Variants in ARHGAP30 observed in about 807,000 individuals in gnomAD.
ARHGAP30 encodes the protein rho GTPase-activating protein 30.
A neutral mutation model predicts 72.0 loss-of-function variants in ARHGAP30; 23 were observed. That is an observed-to-expected ratio of 0.32 (90% CI 0.23 to 0.45). ARHGAP30 has a LOEUF of 0.45. Among genes scored for constraint, ARHGAP30 ranks in the 20% least tolerant of loss-of-function variants. The pLI is 1.00. For synonymous variants in ARHGAP30, 576 were observed against 528.2 expected, an observed-to-expected ratio of 1.09 and a Z score of -1.24; for missense variants, 1,319 against 1,383.4, an observed-to-expected ratio of 0.95 and a Z score of 0.74.
intron 2 of ARHGAP30, 72 bp from the exon 3 acceptor site, chr1:161,056,604 A>C: frequency 6.5e-7 from 1 of 1,531,366 alleles, no homozygotes. Flanking sequence ...CCCTATAGAG[A>C]TGGGTCCCGG....
chr1:161,056,997 C>G (rs1651925376), intron 2 of ARHGAP30, among the ~76,000 whole-genome samples: 2 of 152,080 alleles, frequency 1.3e-5, no homozygotes, highest in African/African-American at 4.8e-5. Context: ...CATTGAACAT[C>G]AAAATTAAAA....
At chr1:161,062,455 G>A (rs1016401255) in intron 1 of ARHGAP30, among the ~76,000 whole-genome samples, 7 of 152,042 alleles carry the variant, frequency 4.6e-5, no homozygotes, top group African/African-American at 1.7e-4. Context: ...TAGGCCAGGT[G>A]CGGTGGCTCA....
At chr1:161,062,406 C>T (rs908239965) in intron 1 of ARHGAP30, among the ~76,000 whole-genome samples, 22 of 152,064 alleles carry the variant, frequency 1.4e-4, no homozygotes. Context: ...CCCTCTGACT[C>T]TGCCTGGTGA....
chr1:161,051,127 T>G (rs1651325786), intron 10 of ARHGAP30, among the ~76,000 whole-genome samples, 187 bp downstream of exon 10: 1 of 152,238 alleles, frequency 6.6e-6, no homozygotes, highest in East Asian at 1.9e-4. Flanking sequence ...TCTCCATAGA[T>G]TTCACATAGC....
Position 161,048,259 on chromosome 1 carries a change from C to G in ARHGAP30, c.2762G>C (p.Gly921Ala), listed in dbSNP as rs749442300. ...CPCSLGLGGV[G>A]MRLASTLVQV... ...AACCAGAGTGGAAGCTAGACGCATG[C>G]CCACGCCACCCAGGCCAAGAGAACA... is the stretch of plus-strand genomic sequence containing the variant. Residue 921 changes from glycine to alanine, a missense_variant, in exon 12 of 12, where the codon GGC becomes GCC. This residue lies in a region of ARHGAP30 where 1,097 missense variants were observed against 1,045.2 expected (regional missense o/e 1.05). Transcript: ENST00000368013. 6.2e-7 allele frequency: 1 copy of G among 1,614,188 alleles called. No individual in the cohort carries two copies. The highest frequency in any genetic ancestry group is 8.5e-7 in the Non-Finnish European group (1 of 1,180,032).
intron 10 of ARHGAP30, 96 bp downstream of exon 10, chr1:161,051,218 G>C: frequency 6.7e-7 from 1 of 1,490,600 alleles, no homozygotes; most frequent in East Asian, 2.3e-5. Flanking sequence ...AAGGGCTGAG[G>C]CCTCTGCCCT....
chr1:161,052,026 A>ACATAC (rs1651428371), intron 9 of ARHGAP30, among the ~76,000 whole-genome samples: 1 of 76,180 alleles, frequency 1.3e-5, no homozygotes, highest in Non-Finnish European at 2.5e-5. Context: ...CACCACCACC[A>ACATAC]CCACCACCAC....
intron 2 of ARHGAP30, among the ~76,000 whole-genome samples, chr1:161,056,803 A>G (rs1275504003): frequency 6.6e-6 from 1 of 152,230 alleles, no homozygotes; most frequent in Non-Finnish European, 1.5e-5. Context: ...AGATATGTGT[A>G]GCAGTACAAG....
intron 1 of ARHGAP30, among the ~76,000 whole-genome samples, chr1:161,068,009 C>T (rs1434302888): frequency 3.3e-5 from 5 of 152,136 alleles, no homozygotes; most frequent in Non-Finnish European, 7.4e-5. Flanking sequence ...ATCTGTCTGT[C>T]CCCTCTAGAG....
chr1:161,056,567 G>A, intron 2 of ARHGAP30, 35 bp from the exon 3 acceptor site: 2 of 1,598,684 alleles, frequency 1.3e-6, no homozygotes, highest in Middle Eastern at 1.7e-4. Context: ...AGTGGTAGGG[G>A]TTGGGGTGAT....
chr1:161,059,882 C>T (rs1205364990), intron 1 of ARHGAP30, among the ~76,000 whole-genome samples, 166 bp from the exon 2 acceptor site: 1 of 152,158 alleles, frequency 6.6e-6, no homozygotes. Flanking sequence ...ACCTGCCAAC[C>T]CCTCTACAGT....
chr1:161,063,638 A>G (rs1219441406), intron 1 of ARHGAP30, among the ~76,000 whole-genome samples: 3 of 152,274 alleles, frequency 2.0e-5, no homozygotes, highest in African/African-American at 7.2e-5. Flanking sequence ...TTGTTCAGGG[A>G]ATAAGAGAGA....
In ARHGAP30 at chr1:161,047,690, CCTTTGCCCAGGG is replaced by C; in HGVS notation, c.*13_*24del. The C allele has an allele frequency of 6.7e-7, 1 of 1,500,824 alleles. No individual in the cohort carries two copies. The highest frequency in any genetic ancestry group is 8.9e-7 in the Non-Finnish European group (1 of 1,125,336). 93.0% of individuals were successfully genotyped at this position (1,500,824 alleles called of 1,614,324 possible). ...GAGATTCAAGACAACTTGCTGGTCCCCTTTGCCCAGGGCTGTGGTCCTAATCACAGTCCTTCA... is the reference window on the plus strand; with the variant it reads ...GAGATTCAAGACAACTTGCTGGTCCCCTGTGGTCCTAATCACAGTCCTTCA... On this transcript the variant is annotated 3_prime_UTR_variant, in exon 12 of 12. Transcript: ENST00000368013.
intron 10 of ARHGAP30, among the ~76,000 whole-genome samples, 192 bp from the exon 11 acceptor site, chr1:161,049,881 A>C (rs978295975): frequency 1.3e-5 from 2 of 152,216 alleles, no homozygotes; most frequent in Non-Finnish European, 2.9e-5. Flanking sequence ...GGTGCCAAGC[A>C]CTGTGCTATG....
At position 161,052,477 on chromosome 1, in the gene ARHGAP30, C is replaced by G. The variant is rs774665650; in HGVS notation, c.903G>C (p.Glu301Asp). ...SIFNLGRSGH[E>D]TKRKLPRGAE... is the part of the protein sequence containing the mutation. ...CCCCCCGTGGAAGTTTACGCTTAGT[C>G]TCATGGCCAGAGCGACCTAAATTGA... Residue 301 changes from glutamate to aspartate, a missense_variant, in exon 8 of 12, where the codon GAG (glutamate) becomes GAC (aspartate). Around this residue, in one of 2 missense-constraint regions of ARHGAP30, gnomAD observed 1,097 missense variants for 1,045.2 expected, o/e 1.05. Coordinates refer to ENST00000368013, the MANE Select transcript of ARHGAP30 (RefSeq NM_001025598.2). 35 of 1,613,700 alleles carry G rather than the reference C, an allele frequency of 2.2e-5. No homozygotes were observed. The highest frequency in any genetic ancestry group is 2.1e-4 in the South Asian group (19 of 91,088).
rs183478269 is a variant in ARHGAP30 at position 161,062,627 on chromosome 1, G to C, written c.98-2911C>G. Among the ~76,000 whole-genome samples the C allele has an allele frequency of 8.7e-3, 1,315 of 151,930 alleles. 12 individuals carry two copies. The highest frequency in any genetic ancestry group is 0.026 in the South Asian group (123 of 4,796). On this transcript the variant is annotated intron_variant, in intron 1 of 11. Coordinates refer to ENST00000368013, the MANE Select transcript of ARHGAP30 (RefSeq NM_001025598.2). ...GTCTGTAGTCCCAGCTACTTGGGTGGCTGAGGCAGAAGAATTGCTTGAATC... is the reference window on the plus strand; with the variant it reads ...GTCTGTAGTCCCAGCTACTTGGGTGCCTGAGGCAGAAGAATTGCTTGAATC...
chr1:161,052,993 G>T, intron 6 of ARHGAP30, 196 bp from the exon 7 acceptor site: 3 of 892,006 alleles, frequency 3.4e-6, no homozygotes. Context: ...GAGAACGTTG[G>T]CCTGGTGGGC....
At chr1:161,063,802 G>GC (rs199777394) in intron 1 of ARHGAP30, among the ~76,000 whole-genome samples, 3,161 of 151,616 alleles carry the variant, frequency 0.021, 37 homozygotes, top group Non-Finnish European at 0.026. Flanking sequence ...GTCTCTGAAC[G>GC]CCCCCCCCAC....
At chr1:161,056,874 G>T (rs1197666892) in intron 2 of ARHGAP30, among the ~76,000 whole-genome samples, 2 of 152,124 alleles carry the variant, frequency 1.3e-5, no homozygotes, top group East Asian at 3.8e-4. Context: ...ATGTAAAAAT[G>T]GATGGGTATA....
Sources: allele counts gnomAD v4.1 joint callset (sites outside exome capture counted in the v4.1 genomes callset), GRCh38; gene constraint gnomAD v4.1.1; regional missense constraint gnomAD v4.1.1; transcripts MANE v1.5; gene names NCBI Gene and HGNC (gene_info 2026-07-23, HGNC 2026-07-21).